PPFIBP1: variants seen among roughly 807,000 people sequenced by gnomAD.
PPFIBP1 encodes PPFIB scaffold protein 1.
A neutral mutation model predicts 137.8 loss-of-function variants in PPFIBP1; 112 were observed. The observed-to-expected ratio is 0.81, with a 90% CI of 0.70 to 0.95. PPFIBP1 has a LOEUF of 0.95. PPFIBP1 is among the 40% of genes least tolerant of loss of function. The probability of loss-of-function intolerance (pLI) is 0.00; values close to 1 mark genes in which losing one functional copy is unlikely to be tolerated. For synonymous variants in PPFIBP1, 378 were observed against 417.3 expected (o/e 0.91, Z 1.15); for missense variants, 1,083 against 1,196.6 (o/e 0.91, Z 1.40).
In PPFIBP1 at chr12:27,694,000, T is replaced by G. The variant is rs1334641236; in HGVS notation, c.*1118T>G. 1 of 152,104 alleles carries G rather than the reference T, an allele frequency of 6.6e-6. No homozygotes were observed. The allele number at this position is 152,104 out of a possible 1,614,324, so 9.4% of individuals were successfully genotyped here. On this transcript the variant is annotated 3_prime_UTR_variant, in exon 30 of 30. Coordinates refer to ENST00000228425, the MANE Select transcript of PPFIBP1 (RefSeq NM_003622.4). Reference sequence around the variant, plus strand: ...CTGTTATTTTTTTATTATTATTGTTTTTTTTTAGTGACAGAGTCTCATTCT... The same window carrying G: ...CTGTTATTTTTTTATTATTATTGTTGTTTTTTAGTGACAGAGTCTCATTCT...
chr12:27,619,228 G>T (rs12304570), intron 2 of PPFIBP1, among the ~76,000 whole-genome samples: 1 of 151,932 alleles, frequency 6.6e-6, no homozygotes, highest in Non-Finnish European at 1.5e-5. Context: ...AAATGGCATC[G>T]AATTTGCCTA....
chr12:27,541,115 C>T (rs578075249), intron 1 of PPFIBP1, among the ~76,000 whole-genome samples: 2 of 152,306 alleles, frequency 1.3e-5, no homozygotes, highest in South Asian at 2.1e-4. Flanking sequence ...CTGGAAGTCT[C>T]TATTCTGAAT....
intron 2 of PPFIBP1, among the ~76,000 whole-genome samples, chr12:27,591,060 C>T (rs144139386): frequency 1.6e-4 from 24 of 151,746 alleles, no homozygotes; most frequent in African/African-American, 5.6e-4. Flanking sequence ...CTGATTTTAT[C>T]TCTTAAATAA....
intron 1 of PPFIBP1, among the ~76,000 whole-genome samples, chr12:27,533,175 T>A (rs1160950316): frequency 6.6e-6 from 1 of 152,104 alleles, no homozygotes. Flanking sequence ...TAAGTGAAAG[T>A]TGAATTTTAA....
rs1041916109 is a variant in PPFIBP1 at position 27,695,425 on chromosome 12, A to G, written c.*2543A>G. Reference sequence around the variant, plus strand: ...GTGAGCCACCATGCCCGGCCCAAATATTTTTTATTCAGGATGGTATAACCT... The same window carrying G: ...GTGAGCCACCATGCCCGGCCCAAATGTTTTTTATTCAGGATGGTATAACCT... On this transcript the variant is annotated 3_prime_UTR_variant, in exon 30 of 30. Coordinates refer to ENST00000228425, the MANE Select transcript of PPFIBP1 (RefSeq NM_003622.4). 1.3e-5 allele frequency: 2 copies of G among 152,046 alleles called. No individual in the cohort carries two copies. Among genetic ancestry groups the G allele is most frequent in the Non-Finnish European group, 2.9e-5 (2 of 68,036 alleles). The allele number at this position is 152,046 out of a possible 1,614,324, so 9.4% of individuals were successfully genotyped here. A position where few individuals can be genotyped will look rare whatever the true frequency, so the allele number is the denominator to read the frequency against.
rs1356973846 is a variant in PPFIBP1, at chr12:27,592,352, A to T, written c.-36+14113A>T. 5 of 562,108 alleles carry T rather than the reference A, an allele frequency of 8.9e-6. No homozygotes were observed. The African/African-American group carries it at 9.6e-5, about 11-fold the overall frequency. 34.8% of individuals were successfully genotyped at this position (562,108 alleles called of 1,614,324 possible). A position where few individuals can be genotyped will look rare whatever the true frequency, so the allele number is the denominator to read the frequency against. On this transcript the variant is annotated intron_variant, in intron 2 of 29. Transcript: ENST00000228425. The stretch of plus-strand genomic sequence containing the variant: ...CTGGAAGAGGAAGACATGGGTAACA[A>T]GAACGTTTATTTTGTTTATTGAGGA...
At chr12:27,567,662 C>T (rs922336746) in intron 1 of PPFIBP1, among the ~76,000 whole-genome samples, 4 of 151,930 alleles carry the variant, frequency 2.6e-5, no homozygotes, top group African/African-American at 2.4e-5. Flanking sequence ...TATGTTGGTA[C>T]ATCTTTGACA....
At chr12:27,624,262 A>G (rs4363645) in intron 2 of PPFIBP1, among the ~76,000 whole-genome samples, 52,474 of 152,076 alleles carry the variant, frequency 0.35, 9,580 homozygotes, top group Admixed American at 0.44. Flanking sequence ...TATGGCTTTT[A>G]GACTCAAATC....
At chr12:27,592,229 A>T (rs546379281) in intron 2 of PPFIBP1, among the ~76,000 whole-genome samples, 2 of 152,292 alleles carry the variant, frequency 1.3e-5, no homozygotes, top group East Asian at 3.9e-4. Flanking sequence ...CTGTTAGAGG[A>T]TGAATATGCA....
At chr12:27,529,394 T>C (rs1289981695) in intron 1 of PPFIBP1, among the ~76,000 whole-genome samples, 1 of 152,204 alleles carries the variant, frequency 6.6e-6, no homozygotes, top group Admixed American at 6.5e-5. Context: ...GGCAAGTCTA[T>C]TCCTAAAGAA....
chr12:27,627,512 G>A lies in PPFIBP1; in HGVS notation c.-35-5850G>A, dbSNP rs35438744. Among the ~76,000 whole-genome samples the A allele has an allele frequency of 9.7e-3, 1,477 of 152,248 alleles. 20 individuals carry two copies. Among genetic ancestry groups the A allele is most frequent in the Non-Finnish European group, 0.015 (1,053 of 68,010 alleles). On this transcript the variant is annotated intron_variant, in intron 2 of 29. Transcript: ENST00000228425. ...TAAGAAGTTCAGGGTTCTCTTTCAA[G>A]CCCAAGCATTTTACCTAAAGAAAGC... is the stretch of plus-strand genomic sequence containing the variant.
chr12:27,683,043 A>T (rs1234863298), intron 24 of PPFIBP1, among the ~76,000 whole-genome samples: 4 of 152,170 alleles, frequency 2.6e-5, no homozygotes, highest in Non-Finnish European at 5.9e-5. Flanking sequence ...TGGTATGCAA[A>T]TTATATCTCA....
chr12:27,609,766 A>T (rs558118823), intron 2 of PPFIBP1, among the ~76,000 whole-genome samples: 3 of 152,126 alleles, frequency 2.0e-5, no homozygotes, highest in Non-Finnish European at 4.4e-5. Context: ...TCTACACTCC[A>T]GTCCCACTGA....
chr12:27,650,562 G>T (rs1214345115), intron 7 of PPFIBP1, among the ~76,000 whole-genome samples: 3 of 152,130 alleles, frequency 2.0e-5, no homozygotes, highest in Non-Finnish European at 4.4e-5. Flanking sequence ...TAGAAAACAT[G>T]CTAACATTCT....
intron 7 of PPFIBP1, 60 bp from the exon 8 acceptor site, chr12:27,654,662 T>C: frequency 2.0e-6 from 3 of 1,525,630 alleles, no homozygotes; most frequent in Non-Finnish European, 2.6e-6. Flanking sequence ...TGCTATTTTA[T>C]AGGTATAGGT....
chr12:27,635,130 T>G lies in PPFIBP1; in HGVS notation c.270+15T>G. 6.2e-7 allele frequency: 1 copy of G among 1,613,124 alleles called. No homozygotes were observed. Among genetic ancestry groups the G allele is most frequent in the Admixed American group, 1.7e-5 (1 of 60,016 alleles). On this transcript the variant is annotated intron_variant, in intron 4 of 29. Coordinates refer to ENST00000228425, the MANE Select transcript of PPFIBP1 (RefSeq NM_003622.4). ...AGAGTCAAATGGTAGGGTCTGCCTG[T>G]TCCAAATTCTGTTATAAATCCTTTG...
At chr12:27,618,221 G>A (rs190481933) in intron 2 of PPFIBP1, among the ~76,000 whole-genome samples, 2 of 152,252 alleles carry the variant, frequency 1.3e-5, no homozygotes, top group East Asian at 1.9e-4. Context: ...GATCACCATG[G>A]TAAGTGTAAA....
chr12:27,640,982 AC>A (rs2058074912), intron 4 of PPFIBP1, among the ~76,000 whole-genome samples: 1 of 152,108 alleles, frequency 6.6e-6, no homozygotes, highest in Non-Finnish European at 1.5e-5. Flanking sequence ...ACTGAGCCTT[AC>A]TCTTCCTTTC....
chr12:27,633,837 T>TTTG, intron 3 of PPFIBP1, among the ~76,000 whole-genome samples: 1 of 115,786 alleles, frequency 8.6e-6, no homozygotes, highest in Admixed American at 1.2e-4. Context: ...TCCCGTATCT[T>TTTG]TTTTTTTTTT....
Sources: gnomAD v4.1 joint callset for allele counts (sites outside exome capture counted in the v4.1 genomes callset) on GRCh38, gnomAD v4.1.1 for gene constraint, MANE v1.5 for transcripts, NCBI Gene and HGNC (gene_info 2026-07-23, HGNC 2026-07-21) for gene names.